Variants in PAPSS1 observed in about 807,000 individuals in gnomAD.
The protein encoded by PAPSS1 is bifunctional 3'-phosphoadenosine 5'-phosphosulfate synthase 1.
Under a neutral mutation model 72.0 loss-of-function variants are expected in PAPSS1, and 50 were observed. That is an observed-to-expected ratio of 0.69 (90% confidence interval 0.55 to 0.88). The LOEUF (loss-of-function observed/expected upper bound fraction) is 0.88. Among genes scored for constraint, PAPSS1 ranks in the 40% least tolerant of loss-of-function variants. The pLI is 0.00. For missense variants in PAPSS1, 657 were observed against 782.2 expected (o/e 0.84, Z 1.91); for synonymous variants, 261 against 263.6 (o/e 0.99, Z 0.09).
chr4:107,701,148 T>C (rs753385409), intron 2 of PAPSS1, 23 bp downstream of exon 2: 6 of 1,519,590 alleles, frequency 3.9e-6, no homozygotes, highest in Non-Finnish European at 5.5e-6. Flanking sequence ...TAAAATAAAC[T>C]GCTTTCTCTC....
In PAPSS1 at chr4:107,687,187, A is replaced by C. The variant is rs1560585413; in HGVS notation, c.412-10T>G. 6.5e-7 allele frequency: 1 copy of C among 1,543,580 alleles called. No homozygotes were observed. The highest frequency in any genetic ancestry group is 8.7e-7 in the Non-Finnish European group (1 of 1,154,566). On this transcript the variant is annotated splice_polypyrimidine_tract_variant and intron_variant, in intron 3 of 11. Coordinates refer to ENST00000265174, the MANE Select transcript of PAPSS1 (RefSeq NM_005443.5). ...TTGCATTGTTGCGATCCTTAAAAAA[A>C]AATAAAATAAAAAGTGATCACACAA...
intron 1 of PAPSS1, among the ~76,000 whole-genome samples, chr4:107,709,293 T>C (rs1723426751): frequency 6.6e-6 from 1 of 152,198 alleles, no homozygotes; most frequent in African/African-American, 2.4e-5. Context: ...TTGCAAAAAT[T>C]ACAAGTGAGA....
In PAPSS1 at chr4:107,626,039, G is replaced by A. The variant is rs554154270; in HGVS notation, c.1736+5592C>T. On this transcript the variant is annotated intron_variant, in intron 11 of 11. Transcript: ENST00000265174. Reference sequence around the variant, plus strand: ...TAAAAATAAAAAAAAATAGCCGGGCGCGGTGGCAGGCGCTGGGAGTCCCAG... The same window carrying A: ...TAAAAATAAAAAAAAATAGCCGGGCACGGTGGCAGGCGCTGGGAGTCCCAG... Among the ~76,000 whole-genome samples, 18 of 152,002 alleles carry A rather than the reference G, an allele frequency of 1.2e-4. No homozygotes were observed. In the South Asian group the frequency reaches 3.3e-3, roughly 28 times the overall value.
In PAPSS1 at chr4:107,651,135, C is replaced by A. The variant is rs551094759; in HGVS notation, c.1237+2356G>T. On this transcript the variant is annotated intron_variant, in intron 9 of 11. Transcript: ENST00000265174. Reference sequence around the variant, plus strand: ...AAGTTTCTGTATCAGTAATTTAAGCCAAATATTTGCTTCAAAATCAGGAGT... The same window carrying A: ...AAGTTTCTGTATCAGTAATTTAAGCAAAATATTTGCTTCAAAATCAGGAGT... 2.0e-5 allele frequency among the ~76,000 whole-genome samples: 3 copies of A among 152,160 alleles called. No homozygotes were observed. In the East Asian group the frequency reaches 5.8e-4, roughly 29 times the overall value.
At chr4:107,667,382 G>A (rs2110327556) in intron 5 of PAPSS1, among the ~76,000 whole-genome samples, 1 of 152,262 alleles carries the variant, frequency 6.6e-6, no homozygotes, top group East Asian at 1.9e-4. Context: ...CCTAGCCAAT[G>A]ATCAAACCTG....
chr4:107,630,974 C>G (rs1726212086), intron 11 of PAPSS1, among the ~76,000 whole-genome samples: 1 of 152,068 alleles, frequency 6.6e-6, no homozygotes, highest in African/African-American at 2.4e-5. Flanking sequence ...GACACCTTTG[C>G]TTTCTGATGG....
intron 10 of PAPSS1, among the ~76,000 whole-genome samples, chr4:107,633,089 T>A (rs1407743643): frequency 6.6e-6 from 1 of 152,230 alleles, no homozygotes; most frequent in East Asian, 1.9e-4. Flanking sequence ...TCAAACAGCA[T>A]GCTTACACTT....
intron 5 of PAPSS1, among the ~76,000 whole-genome samples, chr4:107,661,541 C>T (rs924372265): frequency 5.9e-5 from 9 of 152,044 alleles, no homozygotes; most frequent in African/African-American, 2.2e-4. Context: ...CATGGAAGAA[C>T]CTTAAGTGAG....
Position 107,645,084 on chromosome 4 carries a change from T to C in PAPSS1, c.1238-14A>G. ...CAAAGACAGCATCTGAAAAGAGAAT[T>C]TCCAGAGTTAAGAATAGCATGTTTC... On this transcript the variant is annotated splice_polypyrimidine_tract_variant and intron_variant, in intron 9 of 11. Coordinates refer to ENST00000265174, the MANE Select transcript of PAPSS1 (RefSeq NM_005443.5). 6.7e-7 allele frequency: 1 copy of C among 1,490,732 alleles called. No individual in the cohort carries two copies. The highest frequency in any genetic ancestry group is 8.9e-7 in the Non-Finnish European group (1 of 1,118,654). 92.3% of individuals were successfully genotyped at this position (1,490,732 alleles called of 1,614,324 possible).
intron 11 of PAPSS1, among the ~76,000 whole-genome samples, chr4:107,624,683 G>A (rs185422658): frequency 6.6e-6 from 1 of 152,150 alleles, no homozygotes; most frequent in Admixed American, 6.5e-5. Flanking sequence ...ATATGATAGA[G>A]TTTAAATTAG....
chr4:107,637,005 T>C (rs192867085), intron 10 of PAPSS1, among the ~76,000 whole-genome samples: 425 of 152,310 alleles, frequency 2.8e-3, no homozygotes, highest in Non-Finnish European at 4.3e-3. Flanking sequence ...ATCCAAATTA[T>C]AGCCAATGCT....
intron 1 of PAPSS1, among the ~76,000 whole-genome samples, chr4:107,713,110 CTAAT>C (rs1723538920): frequency 6.6e-6 from 1 of 151,836 alleles, no homozygotes; most frequent in African/African-American, 2.4e-5. Context: ...CCATGCGTGG[CTAAT>C]TTTTTTCATA....
intron 4 of PAPSS1, among the ~76,000 whole-genome samples, chr4:107,685,720 A>G (rs1722766276): frequency 1.3e-5 from 2 of 152,230 alleles, no homozygotes; most frequent in Admixed American, 1.3e-4. Context: ...ATGCTACTAC[A>G]GCAGATGGAA....
At position 107,653,601 on chromosome 4, in the gene PAPSS1, A is replaced by T. The variant is rs1560573347; in HGVS notation, c.1127T>A (p.Leu376Gln). The change falls in exon 9 of 12, where the codon CTG (leucine) becomes CAG (glutamine). Residue 376 changes from leucine (L) to glutamine (Q), a missense_variant. Physicochemically the swap from Leu to Gln is moderately radical, Grantham distance 113. This residue lies in a region of PAPSS1 where 166 missense variants were observed against 228.3 expected (regional missense o/e 0.73). Coordinates refer to ENST00000265174, the MANE Select transcript of PAPSS1 (RefSeq NM_005443.5). ...CAAGACTTGAAGATCTCCTCCAATC[A>T]GCCAATCTCCTTGTTCCATCACCAT... ...IKMVMEQGDW[L>Q]IGGDLQVLDR... 1.9e-6 allele frequency: 3 copies of T among 1,613,452 alleles called. No homozygotes were observed. The highest frequency in any genetic ancestry group is 1.7e-5 in the Admixed American group (1 of 59,944).
intron 5 of PAPSS1, among the ~76,000 whole-genome samples, chr4:107,676,912 A>T (rs931284526): frequency 6.6e-6 from 1 of 152,160 alleles, no homozygotes; most frequent in African/African-American, 2.4e-5. Context: ...TTTGACAAAC[A>T]TGACAAAAAT....
intron 11 of PAPSS1, among the ~76,000 whole-genome samples, chr4:107,623,538 T>C (rs1322959703): frequency 6.6e-6 from 1 of 152,214 alleles, no homozygotes; most frequent in Admixed American, 6.5e-5. Flanking sequence ...AATGTAAGTC[T>C]GGCCCATTTG....
At chr4:107,671,271 T>C (rs1436929792) in intron 5 of PAPSS1, among the ~76,000 whole-genome samples, 2 of 151,164 alleles carry the variant, frequency 1.3e-5, no homozygotes, top group Non-Finnish European at 2.9e-5. Flanking sequence ...TTTTTTTTTT[T>C]CAAGAAAAAC....
intron 10 of PAPSS1, among the ~76,000 whole-genome samples, chr4:107,636,357 C>T (rs1412804120): frequency 1.3e-5 from 2 of 152,010 alleles, no homozygotes; most frequent in South Asian, 2.1e-4. Context: ...AGCAGTTTTA[C>T]GATACAAAAT....
At chr4:107,700,003 A>G (rs1723167690) in intron 2 of PAPSS1, among the ~76,000 whole-genome samples, 1 of 152,178 alleles carries the variant, frequency 6.6e-6, no homozygotes, top group Non-Finnish European at 1.5e-5. Context: ...CCAACTATTG[A>G]CCCATTAAGT....
Sources: allele counts gnomAD v4.1 joint callset (sites outside exome capture counted in the v4.1 genomes callset), GRCh38; gene constraint gnomAD v4.1.1; regional missense constraint gnomAD v4.1.1; transcripts MANE v1.5; gene names NCBI Gene and HGNC (gene_info 2026-07-23, HGNC 2026-07-21).